Variants in PLPP1 observed in about 807,000 individuals in gnomAD.
PLPP1 encodes phospholipid phosphatase 1, also known as lipid phosphate phosphohydrolase 1a.
A neutral mutation model predicts 31.2 loss-of-function variants in PLPP1; 24 were observed. That is an observed-to-expected ratio of 0.77 (90% CI 0.56 to 1.08). PLPP1 has a LOEUF of 1.08. Among genes scored for constraint, PLPP1 ranks in the 50% least tolerant of loss-of-function variants. The pLI is 0.00. For synonymous variants in PLPP1, 146 were observed against 126.3 expected, an observed-to-expected ratio of 1.16 and a Z score of -1.05; for missense variants, 319 against 342.7, an observed-to-expected ratio of 0.93 and a Z score of 0.55.
intron 1 of PLPP1, chr5:55,530,041 T>C (rs1740607978): frequency 3.2e-6 from 2 of 615,428 alleles, no homozygotes; most frequent in Non-Finnish European, 5.8e-6. Context: ...AAAACTAAAA[T>C]GACTGAATTA....
chr5:55,466,047 T>C lies in PLPP1; in HGVS notation c.491+1822A>G, dbSNP rs540016007. Among the ~76,000 whole-genome samples, 5 of 152,296 alleles carry C rather than the reference T, an allele frequency of 3.3e-5. No homozygotes were observed. In the South Asian group the frequency reaches 1.0e-3, roughly 32 times the overall value. ...CTGGACCATTCTTCCTCTAGCCCCT[T>C]ATAAAAATGCTTGTTCACCTGAGCT... is the stretch of plus-strand genomic sequence containing the variant. On this transcript the variant is annotated intron_variant, in intron 3 of 5. Transcript: ENST00000307259.
At chr5:55,425,455 T>G (rs1273906185) in intron 5 of PLPP1, 121 bp from the exon 6 acceptor site, 8 of 908,856 alleles carry the variant, frequency 8.8e-6, no homozygotes, top group Non-Finnish European at 1.1e-5. Flanking sequence ...GTGTACAGAT[T>G]AAGCATATAA....
intron 1 of PLPP1, among the ~76,000 whole-genome samples, chr5:55,518,114 T>C (rs1753591104): frequency 6.6e-6 from 1 of 152,182 alleles, no homozygotes; most frequent in African/African-American, 2.4e-5. Flanking sequence ...ATTACAGTCA[T>C]GGGCCACCGC....
chr5:55,483,477 G>A (rs1752712403), intron 1 of PLPP1, among the ~76,000 whole-genome samples: 1 of 151,980 alleles, frequency 6.6e-6, no homozygotes. Flanking sequence ...TTCAAGACCA[G>A]CCTGGCCAAT....
chr5:55,527,026 G>A (rs931198714), intron 1 of PLPP1, among the ~76,000 whole-genome samples: 6 of 151,326 alleles, frequency 4.0e-5, no homozygotes, highest in African/African-American at 1.5e-4. Context: ...TTTATCTTCA[G>A]TGTCTAACAC....
rs376310362 is a variant in PLPP1, at chr5:55,478,924, T to C, written c.59-3474A>G. 7.9e-5 allele frequency among the ~76,000 whole-genome samples: 12 copies of C among 151,944 alleles called. No homozygotes were observed. In the East Asian group the frequency reaches 2.3e-3, roughly 29 times the overall value. Reference sequence around the variant, plus strand: ...AATGTACACTATTCTGTTGAGAGAATCAAGAAAAGAGGCTGCCACCACCAA... The same window carrying C: ...AATGTACACTATTCTGTTGAGAGAACCAAGAAAAGAGGCTGCCACCACCAA... On this transcript the variant is annotated intron_variant, in intron 1 of 5. Coordinates refer to ENST00000307259, the MANE Select transcript of PLPP1 (RefSeq NM_003711.4).
Position 55,444,018 on chromosome 5 carries a change from A to G in PLPP1, c.492-2110T>C, listed in dbSNP as rs113087144. ...CTCTTAAGGATATCTTATTATGACC[A>G]GAATTCACAAATAGACTAAATATCT... is the stretch of plus-strand genomic sequence containing the variant. On this transcript the variant is annotated intron_variant, in intron 3 of 5. Coordinates refer to ENST00000307259, the MANE Select transcript of PLPP1 (RefSeq NM_003711.4). Among the ~76,000 whole-genome samples the G allele has an allele frequency of 5.4e-3, 824 of 152,316 alleles. 4 individuals carry two copies. The highest frequency in any genetic ancestry group is 0.019 in the African/African-American group (794 of 41,566).
intron 4 of PLPP1, among the ~76,000 whole-genome samples, chr5:55,439,467 C>CT (rs1327164259): frequency 6.6e-6 from 1 of 152,200 alleles, no homozygotes; most frequent in East Asian, 1.9e-4. Flanking sequence ...TGCAGTGACT[C>CT]TGAGGGCTGC....
chr5:55,477,796 T>C (rs1579952142), intron 1 of PLPP1, among the ~76,000 whole-genome samples: 1 of 152,170 alleles, frequency 6.6e-6, no homozygotes. Context: ...AAACATTTCT[T>C]TCTTTTGGAA....
intron 1 of PLPP1, among the ~76,000 whole-genome samples, chr5:55,510,890 C>G (rs762848473): frequency 3.9e-4 from 60 of 152,310 alleles, no homozygotes; most frequent in Middle Eastern, 3.4e-3. Flanking sequence ...CTGCTGCAAA[C>G]TAAGAGCCTA....
intron 4 of PLPP1, among the ~76,000 whole-genome samples, chr5:55,431,678 A>C (rs1436383574): frequency 6.6e-6 from 1 of 152,038 alleles, no homozygotes; most frequent in Non-Finnish European, 1.5e-5. Flanking sequence ...ATTTCAAGTA[A>C]ATAATCTAAC....
intron 1 of PLPP1, among the ~76,000 whole-genome samples, chr5:55,511,814 C>T (rs2111911205): frequency 6.6e-6 from 1 of 151,232 alleles, no homozygotes; most frequent in Admixed American, 6.6e-5. Flanking sequence ...CAGGCGCCGG[C>T]TACCACGCCC....
chr5:55,424,895 C>A lies in PLPP1; in HGVS notation c.*311G>T. 1 of 692,208 alleles carries A rather than the reference C, an allele frequency of 1.4e-6. No individual in the cohort carries two copies. The highest frequency in any genetic ancestry group is 1.9e-5 in the South Asian group (1 of 51,488). The allele number at this position is 692,208 out of a possible 1,614,324, so 42.9% of individuals were successfully genotyped here. On this transcript the variant is annotated 3_prime_UTR_variant, in exon 6 of 6. Coordinates refer to ENST00000307259, the MANE Select transcript of PLPP1 (RefSeq NM_003711.4). ...ATTTTAATATGTATTATATTTAAAT[C>A]AAACATCATTCATAGAAAGCATATT...
At chr5:55,447,121 T>C (rs1371807701) in intron 3 of PLPP1, among the ~76,000 whole-genome samples, 1 of 152,244 alleles carries the variant, frequency 6.6e-6, no homozygotes, top group East Asian at 1.9e-4. Context: ...ACGTATCATG[T>C]AGCACGTTTA....
intron 1 of PLPP1, among the ~76,000 whole-genome samples, chr5:55,476,796 T>G (rs1428682): frequency 0.86 from 130,148 of 152,176 alleles, 56,143 homozygotes; most frequent in South Asian, 0.92. Flanking sequence ...TGCCTGAGTG[T>G]ATTTACCACA....
Position 55,534,646 on chromosome 5 carries a change from GC to G in PLPP1, c.-18del. ...GTCAAACATGGTCTCTGCCCGGGCT[GC>G]CCGGCAAGGGCGATGGACTGAGCTG... On this transcript the variant is annotated 5_prime_UTR_variant, in exon 1 of 6. Coordinates refer to ENST00000307259, the MANE Select transcript of PLPP1 (RefSeq NM_003711.4). The G allele has an allele frequency of 1.9e-6, 3 of 1,541,088 alleles. No individual in the cohort carries two copies. Among genetic ancestry groups the G allele is most frequent in the South Asian group, 2.4e-5 (2 of 82,662 alleles).
At chr5:55,471,114 T>C (rs1410907653) in intron 2 of PLPP1, among the ~76,000 whole-genome samples, 1 of 152,188 alleles carries the variant, frequency 6.6e-6, no homozygotes, top group African/African-American at 2.4e-5. Flanking sequence ...CCGCATCTTC[T>C]TCTCCCTCCT....
chr5:55,450,432 G>C (rs988596773), intron 3 of PLPP1, among the ~76,000 whole-genome samples: 1 of 152,136 alleles, frequency 6.6e-6, no homozygotes, highest in African/African-American at 2.4e-5. Flanking sequence ...GCAAAAAAAC[G>C]AATCTAGAAA....
At chr5:55,479,741 C>T (rs755773974) in intron 1 of PLPP1, among the ~76,000 whole-genome samples, 1 of 152,162 alleles carries the variant, frequency 6.6e-6, no homozygotes, top group Non-Finnish European at 1.5e-5. Flanking sequence ...CAACAAAGCC[C>T]AATTTTACTT....
Sources: allele counts gnomAD v4.1 joint callset (sites outside exome capture counted in the v4.1 genomes callset), GRCh38; gene constraint gnomAD v4.1.1; transcripts MANE v1.5; gene names NCBI Gene and HGNC (gene_info 2026-07-23, HGNC 2026-07-21).